The following IL18RAP variants were observed in gnomAD, a reference collection of about 807,000 sequenced individuals.
IL18RAP encodes interleukin 18 receptor accessory protein.
Under a neutral mutation model 58.1 loss-of-function variants are expected in IL18RAP, and 37 were observed. That is an observed-to-expected ratio of 0.64 (90% CI 0.49 to 0.84). The LOEUF (loss-of-function observed/expected upper bound fraction) is 0.84, where lower values mean the gene tolerates loss of function less well. IL18RAP is among the 40% of genes least tolerant of loss of function. The pLI, the probability that IL18RAP is intolerant of heterozygous loss-of-function variation, is 0.00. For synonymous variants in IL18RAP, 268 were observed against 257.5 expected, an observed-to-expected ratio of 1.04 and a Z score of -0.39; for missense variants, 667 against 704.8, an observed-to-expected ratio of 0.95 and a Z score of 0.61.
At chr2:102,423,140 G>A (rs1032613974), upstream of IL18RAP, 3 of 861,062 alleles carry the variant, frequency 3.5e-6, no homozygotes, top group East Asian at 4.9e-5. Context: ...TTTGTTCACT[G>A]GTTCTGACTT....
intron 4 of IL18RAP, chr2:102,438,775 G>A (rs1389230431): frequency 6.6e-6 from 1 of 152,196 alleles, no homozygotes; most frequent in African/African-American, 2.4e-5. Flanking sequence ...GTCAGGCTTG[G>A]AGCTAAGGCT....
At chr2:102,434,400 T>C (rs1011893734) in intron 3 of IL18RAP, 2 of 139,612 alleles carry the variant, frequency 1.4e-5, no homozygotes, top group Non-Finnish European at 3.3e-5. Flanking sequence ...TTATTTCTGT[T>C]AAATAATTTG....
chr2:102,447,367 G>A (rs1452819563), intron 8 of IL18RAP, among the ~76,000 whole-genome samples, 160 bp downstream of exon 8: 1 of 152,188 alleles, frequency 6.6e-6, no homozygotes, highest in Non-Finnish European at 1.5e-5. Context: ...AGAGCATAAA[G>A]GAGGAGCTGA....
intron 5 of IL18RAP, 103 bp downstream of exon 5, chr2:102,441,480 G>A: frequency 2.2e-6 from 2 of 891,286 alleles, no homozygotes; most frequent in Non-Finnish European, 3.6e-6. Flanking sequence ...AAACAGAATT[G>A]GGTGTGAATC....
At chr2:102,443,396 G>A (rs2104368112) in intron 6 of IL18RAP, 73 bp downstream of exon 6, 4 of 1,526,544 alleles carry the variant, frequency 2.6e-6, no homozygotes, top group Non-Finnish European at 3.5e-6. Context: ...AATGCCTAAA[G>A]TATACAGTTG....
upstream of IL18RAP, chr2:102,418,882 G>A (rs1200171482): frequency 6.6e-6 from 1 of 152,288 alleles, no homozygotes; most frequent in Admixed American, 6.5e-5. Context: ...GGCAGTTACT[G>A]AAATAAGGAC....
At chr2:102,418,794 C>A (rs1460042409), upstream of IL18RAP, 1 of 152,242 alleles carries the variant, frequency 6.6e-6, no homozygotes, top group African/African-American at 2.4e-5. Flanking sequence ...CTCCAGGTAT[C>A]TCTCTGGATA....
At chr2:102,436,335 T>A (rs1682735738) in intron 3 of IL18RAP, among the ~76,000 whole-genome samples, 1 of 152,160 alleles carries the variant, frequency 6.6e-6, no homozygotes, top group Non-Finnish European at 1.5e-5. Flanking sequence ...TCTTTGAATT[T>A]CCCCCTATGT....
intron 8 of IL18RAP, among the ~76,000 whole-genome samples, chr2:102,448,527 A>G (rs1432015223): frequency 6.6e-6 from 1 of 152,190 alleles, no homozygotes; most frequent in Non-Finnish European, 1.5e-5. Flanking sequence ...TTGCTTGGAA[A>G]AAGCAGAATC....
chr2:102,419,653 T>C (rs1193046228), upstream of IL18RAP: 1 of 152,314 alleles, frequency 6.6e-6, no homozygotes, highest in Non-Finnish European at 1.5e-5. Flanking sequence ...ATCTGGAAAA[T>C]TGATAAAGAA....
intron 3 of IL18RAP, among the ~76,000 whole-genome samples, chr2:102,425,283 G>A (rs1305563335): frequency 6.6e-6 from 1 of 152,132 alleles, no homozygotes; most frequent in Non-Finnish European, 1.5e-5. Flanking sequence ...ATTAAAATCA[G>A]AAAGATGAGT....
intron 3 of IL18RAP, among the ~76,000 whole-genome samples, chr2:102,426,249 C>G (rs1681932082): frequency 6.6e-6 from 1 of 152,078 alleles, no homozygotes; most frequent in Non-Finnish European, 1.5e-5. Context: ...ATAGGTGAAG[C>G]TGGCACTGGC....
intron 1 of IL18RAP, 152 bp downstream of exon 1, chr2:102,423,499 C>A (rs1174419598): frequency 2.7e-6 from 2 of 753,644 alleles, no homozygotes; most frequent in Non-Finnish European, 4.6e-6. Flanking sequence ...TTAGGGTGAA[C>A]AGCTTTCAGC....
chr2:102,426,396 T>C (rs1196609248), intron 3 of IL18RAP, among the ~76,000 whole-genome samples: 1 of 151,712 alleles, frequency 6.6e-6, no homozygotes, highest in African/African-American at 2.4e-5. Flanking sequence ...ATATTTTTAA[T>C]TGGCGAATTA....
At chr2:102,448,678 G>A (rs1336775710) in intron 8 of IL18RAP, among the ~76,000 whole-genome samples, 1 of 152,156 alleles carries the variant, frequency 6.6e-6, no homozygotes, top group Non-Finnish European at 1.5e-5. Context: ...CGGCATGGGA[G>A]GCTGGGTGTG....
intron 8 of IL18RAP, 53 bp downstream of exon 8, chr2:102,447,260 G>A: frequency 1.3e-6 from 2 of 1,581,186 alleles, no homozygotes; most frequent in Non-Finnish European, 1.7e-6. Context: ...GAATTGACTT[G>A]GAGCAGGACA....
rs1302811026 is a variant in IL18RAP at position 102,447,122 on chromosome 2, G to A, written c.1125G>A (p.Leu375=). Residue 375 remains leucine (L), a synonymous_variant, in exon 8 of 10, where the codon CTG becomes CTA. Transcript: ENST00000687160. ...CCATCGGGACCCTGGTGGCCGTGCTGGCGGCGAGTGCCCTCCTCTACAGGC... is the reference window on the plus strand; with the variant it reads ...CCATCGGGACCCTGGTGGCCGTGCTAGCGGCGAGTGCCCTCCTCTACAGGC... The part of the protein sequence containing the change: ...LGTIGTLVAV[L]AASALLYRHW... 6.2e-7 allele frequency: 1 copy of A among 1,614,126 alleles called. No homozygotes were observed. Among genetic ancestry groups the A allele is most frequent in the Non-Finnish European group, 8.5e-7 (1 of 1,180,018 alleles).
At chr2:102,426,725 C>T (rs1681967962) in intron 3 of IL18RAP, among the ~76,000 whole-genome samples, 1 of 152,138 alleles carries the variant, frequency 6.6e-6, no homozygotes, top group South Asian at 2.1e-4. Context: ...CTAATTAACA[C>T]ATCCATCACC....
intron 3 of IL18RAP, among the ~76,000 whole-genome samples, chr2:102,429,714 A>G (rs1320873639): frequency 6.6e-6 from 1 of 151,946 alleles, no homozygotes; most frequent in Non-Finnish European, 1.5e-5. Context: ...CATTGCTATA[A>G]ATTTCCCTCA....
Sources: allele counts gnomAD v4.1 joint callset (sites outside exome capture counted in the v4.1 genomes callset), GRCh38; gene constraint gnomAD v4.1.1; transcripts MANE v1.5; gene names NCBI Gene and HGNC (gene_info 2026-07-23, HGNC 2026-07-21).